The following ERG variants were observed in gnomAD, a reference collection of about 807,000 sequenced individuals.
The protein encoded by ERG is transcriptional regulator ERG.
ERG carries 9 observed loss-of-function variants against 55.3 expected under a neutral mutation model. The ratio of observed to expected loss-of-function variants is 0.16; its 90% CI spans 0.10 to 0.28. The LOEUF is 0.28. ERG is among the 10% of genes least tolerant of loss of function. The probability of loss-of-function intolerance (pLI) is 1.00; values close to 1 mark genes in which losing one functional copy is unlikely to be tolerated. For missense variants in ERG, 434 were observed against 631.6 expected (o/e 0.69, Z 3.35); for synonymous variants, 223 against 237.3 (o/e 0.94, Z 0.55).
At position 38,445,466 on chromosome 21, in the gene ERG, A is replaced by G. The variant is rs2146556561; in HGVS notation, c.174T>C (p.Ser58=). The G allele has an allele frequency of 6.2e-7, 1 of 1,614,136 alleles. No individual in the cohort carries two copies. Among genetic ancestry groups the G allele is most frequent in the Non-Finnish European group, 8.5e-7 (1 of 1,180,006 alleles). Residue 58 remains serine, a synonymous_variant, in exon 2 of 10, where the codon TCT becomes TCC. Coordinates refer to ENST00000288319, the MANE Select transcript of ERG (RefSeq NM_182918.4). Reference sequence around the variant, plus strand: ...TGATGGTGACCCTGGCTGGGGGTTGAGACAGCCAATCCTGCTGAGGGACGC... The same window carrying G: ...TGATGGTGACCCTGGCTGGGGGTTGGGACAGCCAATCCTGCTGAGGGACGC... ...SPRVPQQDWL[S]QPPARVTIKM...
chr21:38,471,401 A>G (rs946061535), intron 1 of ERG: 1 of 152,224 alleles, frequency 6.6e-6, no homozygotes, highest in Admixed American at 6.5e-5. Flanking sequence ...CTGTTCACCT[A>G]AAATTCAACC....
intron 2 of ERG, among the ~76,000 whole-genome samples, chr21:38,426,932 A>AT (rs1027351379): frequency 2.5e-4 from 38 of 150,996 alleles, no homozygotes; most frequent in Non-Finnish European, 4.3e-4. Context: ...CTCCATGTCA[A>AT]AAAAAAAAAG....
At chr21:38,480,865 CA>C (rs2059232769) in intron 1 of ERG, among the ~76,000 whole-genome samples, 1 of 151,978 alleles carries the variant, frequency 6.6e-6, no homozygotes, top group African/African-American at 2.4e-5. Flanking sequence ...GGTGTTTTGA[CA>C]AACATCTCTC....
intron 1 of ERG, among the ~76,000 whole-genome samples, chr21:38,469,041 C>A (rs1337850549): frequency 7.0e-6 from 1 of 143,628 alleles, no homozygotes; most frequent in Non-Finnish European, 1.5e-5. Context: ...GACCAGAACT[C>A]TAGCCCTTTG....
chr21:38,432,054 T>C (rs1418405608), intron 2 of ERG, among the ~76,000 whole-genome samples: 1 of 152,214 alleles, frequency 6.6e-6, no homozygotes, highest in Non-Finnish European at 1.5e-5. Context: ...GTGTTATACA[T>C]GCCTCTAGTT....
At chr21:38,456,533 A>G (rs2058991114) in intron 1 of ERG, among the ~76,000 whole-genome samples, 1 of 152,242 alleles carries the variant, frequency 6.6e-6, no homozygotes, top group Non-Finnish European at 1.5e-5. Flanking sequence ...GGAGCACATG[A>G]ATAAGTCTCC....
chr21:38,435,023 TAAG>T (rs911434932), intron 2 of ERG, among the ~76,000 whole-genome samples: 4 of 152,172 alleles, frequency 2.6e-5, no homozygotes, highest in African/African-American at 4.8e-5. Context: ...TAGTTCACAT[TAAG>T]AAGAACTTGG....
chr21:38,524,127 G>C (rs1351945540), intron 2 of ERG, among the ~76,000 whole-genome samples: 1 of 152,164 alleles, frequency 6.6e-6, no homozygotes, highest in Non-Finnish European at 1.5e-5. Flanking sequence ...GAATCCCTGA[G>C]ACCAAACCCA....
At chr21:38,453,019 G>T (rs2058955329) in intron 1 of ERG, among the ~76,000 whole-genome samples, 1 of 152,178 alleles carries the variant, frequency 6.6e-6, no homozygotes, top group African/African-American at 2.4e-5. Context: ...CTATAAATGG[G>T]ATCCACAAAC....
At chr21:38,376,295 T>C (rs984946029), downstream of ERG, among the ~76,000 whole-genome samples, 9 of 152,198 alleles carry the variant, frequency 5.9e-5, no homozygotes, top group African/African-American at 2.2e-4. Flanking sequence ...AATTGTCGGA[T>C]GTGAATCTGG....
chr21:38,423,351 C>T (rs904054776), intron 3 of ERG, 59 bp downstream of exon 3: 58 of 1,548,364 alleles, frequency 3.7e-5, no homozygotes, highest in Non-Finnish European at 4.6e-5. Context: ...CCCTGAGGCT[C>T]AGCCTAGCCT....
intron 1 of ERG, among the ~76,000 whole-genome samples, chr21:38,657,794 G>A (rs943333852): frequency 1.3e-5 from 2 of 152,152 alleles, no homozygotes; most frequent in African/African-American, 4.8e-5. Context: ...CCCCTAATAA[G>A]AGTGTGGGAA....
At chr21:38,616,634 C>CTGGAT (rs1167088839) in intron 1 of ERG, among the ~76,000 whole-genome samples, 30 of 151,698 alleles carry the variant, frequency 2.0e-4, no homozygotes, top group Non-Finnish European at 1.0e-4. Context: ...CTGGACTGGA[C>CTGGAT]TGGATTGGAT....
intron 1 of ERG, among the ~76,000 whole-genome samples, chr21:38,454,232 A>G (rs928252047): frequency 2.0e-5 from 3 of 152,230 alleles, no homozygotes; most frequent in Non-Finnish European, 4.4e-5. Flanking sequence ...TGGAGGATGA[A>G]CATGAAGCTG....
rs1247664310 is a variant in ERG, at chr21:38,382,287, C to T, written c.*1116G>A. On this transcript the variant is annotated 3_prime_UTR_variant, in exon 10 of 10. Coordinates refer to ENST00000288319, the MANE Select transcript of ERG (RefSeq NM_182918.4). ...CATTCTGACAAACGCACAGCGTTCG[C>T]GACTCAAAGGAAAACTGGAGGCCGC... The T allele has an allele frequency of 1.1e-5, 12 of 1,053,372 alleles. No individual in the cohort carries two copies. Among genetic ancestry groups the T allele is most frequent in the African/African-American group, 6.6e-5 (4 of 60,358 alleles). 65.3% of individuals were successfully genotyped at this position (1,053,372 alleles called of 1,614,324 possible). A position where few individuals can be genotyped will look rare whatever the true frequency, so the allele number is the denominator to read the frequency against.
Position 38,486,644 on chromosome 21 carries a change from G to A in ERG, c.18+11719C>T, listed in dbSNP as rs565858626. Among the ~76,000 whole-genome samples the A allele has an allele frequency of 4.0e-5, 6 of 151,840 alleles. No homozygotes were observed. The South Asian group carries it at 1.2e-3, about 32-fold the overall frequency. On this transcript the variant is annotated intron_variant, in intron 1 of 9. Coordinates refer to ENST00000288319, the MANE Select transcript of ERG (RefSeq NM_182918.4). ...TCAAAAAAACAATTGAGATATGAGA[G>A]TAAATTAAATAAGAAGACTGTGACT...
At chr21:38,424,728 A>G (rs1007854602) in intron 2 of ERG, among the ~76,000 whole-genome samples, 1 of 152,202 alleles carries the variant, frequency 6.6e-6, no homozygotes, top group South Asian at 2.1e-4. Context: ...CCTGCAGCCA[A>G]TCTTTACATA....
At chr21:38,449,305 A>G (rs1049230237) in intron 1 of ERG, among the ~76,000 whole-genome samples, 3 of 152,238 alleles carry the variant, frequency 2.0e-5, no homozygotes, top group Admixed American at 1.3e-4. Flanking sequence ...CATCAGGCAA[A>G]TGGCAGGCTA....
chr21:38,548,258 G>C (rs1896001950), intron 2 of ERG, among the ~76,000 whole-genome samples: 1 of 151,842 alleles, frequency 6.6e-6, no homozygotes, highest in Non-Finnish European at 1.5e-5. Flanking sequence ...CAATAAACTG[G>C]CTTTCCACCA....
Sources: allele counts gnomAD v4.1 joint callset (sites outside exome capture counted in the v4.1 genomes callset), GRCh38; gene constraint gnomAD v4.1.1; transcripts MANE v1.5; gene names NCBI Gene and HGNC (gene_info 2026-07-23, HGNC 2026-07-21).